The following ZDHHC22 variants were observed in gnomAD, a reference collection of about 807,000 sequenced individuals.
The protein encoded by ZDHHC22 is palmitoyltransferase ZDHHC22.
A neutral mutation model predicts 17.0 loss-of-function variants in ZDHHC22; 13 were observed. That is an observed-to-expected ratio of 0.76 (90% CI 0.50 to 1.21). The LOEUF (loss-of-function observed/expected upper bound fraction) is 1.21, where lower values mean the gene tolerates loss of function less well. Ranked by LOEUF, ZDHHC22 falls within the 50% of genes most tolerant of loss-of-function variation. The pLI, the probability that ZDHHC22 is intolerant of heterozygous loss-of-function variation, is 0.00. For missense variants in ZDHHC22, 319 were observed against 342.3 expected, an observed-to-expected ratio of 0.93 and a Z score of 0.54; for synonymous variants, 138 against 154.7, an observed-to-expected ratio of 0.89 and a Z score of 0.80.
At position 77,132,859 on chromosome 14, in the gene ZDHHC22, T is replaced by C. The variant is rs1887059486; in HGVS notation, c.*824A>G. On this transcript the variant is annotated 3_prime_UTR_variant, in exon 3 of 3. Coordinates refer to ENST00000319374, the MANE Select transcript of ZDHHC22 (RefSeq NM_174976.2). ...ACACACACACACTTCCATATGGTTATACAGTCGAATATCCCCTTCATTTAT... is the reference window on the plus strand; with the variant it reads ...ACACACACACACTTCCATATGGTTACACAGTCGAATATCCCCTTCATTTAT... The C allele has an allele frequency of 8.8e-6, 1 of 113,216 alleles. No individual in the cohort carries two copies. The highest frequency in any genetic ancestry group is 9.2e-5 in the Admixed American group (1 of 10,928). The allele number at this position is 113,216 out of a possible 1,614,324, so 7.0% of individuals were successfully genotyped here. A position where few individuals can be genotyped will look rare whatever the true frequency, so the allele number is the denominator to read the frequency against.
In ZDHHC22 at chr14:77,139,273, A is replaced by C. The variant is rs1887196621; in HGVS notation, c.466T>G (p.Phe156Val). The C allele has an allele frequency of 6.3e-7, 1 of 1,596,304 alleles. No individual in the cohort carries two copies. Among genetic ancestry groups the C allele is most frequent in the South Asian group, 1.1e-5 (1 of 87,908 alleles). ...GTGAGGAAGGCCAAGGGGTGGGCGA[A>C]GGAGATGGAAAGGACAGCGGAGATG... ...AYISAVLSIS[F>V]AHPLAFLTLL... The change falls in exon 2 of 3, where the codon TTC becomes GTC. Residue 156 changes from phenylalanine to valine, a missense_variant. Coordinates refer to ENST00000319374, the MANE Select transcript of ZDHHC22 (RefSeq NM_174976.2).
intron 2 of ZDHHC22, among the ~76,000 whole-genome samples, chr14:77,137,181 T>C (rs1047880311): frequency 6.6e-6 from 1 of 152,016 alleles, no homozygotes; most frequent in African/African-American, 2.4e-5. Context: ...AGGAAGGTCC[T>C]CAAGAGGAAA....
intron 2 of ZDHHC22, among the ~76,000 whole-genome samples, chr14:77,138,624 A>G (rs1887183746): frequency 1.3e-5 from 2 of 152,096 alleles, no homozygotes; most frequent in African/African-American, 4.8e-5. Context: ...AGCCATCAGC[A>G]GGCTGGAGAA....
At chr14:77,135,878 T>C (rs146910141) in intron 2 of ZDHHC22, among the ~76,000 whole-genome samples, 2 of 152,316 alleles carry the variant, frequency 1.3e-5, no homozygotes, top group African/African-American at 4.8e-5. Flanking sequence ...ATGCAGCAGC[T>C]ACAAAAGGCT....
rs1028040927 is a variant in ZDHHC22 at position 77,139,231 on chromosome 14, T to C, written c.508A>G (p.Ile170Val). Residue 170 changes from isoleucine to valine, a missense_variant, in exon 2 of 3, where the codon ATC becomes GTC. Ile to Val is a conservative substitution (Grantham distance 29). Transcript: ENST00000319374. Reference protein sequence around the residue: ...LAFLTLLPTSISQFFSGAVLG... With the variant: ...LAFLTLLPTSVSQFFSGAVLG... ...CACTCACCGGAGAAGAACTGGCTGA[T>C]GGAGGTGGGCAGGAGCGTGAGGAAG... 4 of 1,583,920 alleles carry C rather than the reference T, an allele frequency of 2.5e-6. No individual in the cohort carries two copies. Among genetic ancestry groups the C allele is most frequent in the Admixed American group, 3.6e-5 (2 of 54,984 alleles).
intron 2 of ZDHHC22, among the ~76,000 whole-genome samples, chr14:77,136,866 G>A (rs1887146486): frequency 6.6e-6 from 1 of 152,142 alleles, no homozygotes; most frequent in African/African-American, 2.4e-5. Context: ...AAACTCTTGG[G>A]CTCAAGCAAT....
At chr14:77,139,903 A>G (rs1253764241) in intron 1 of ZDHHC22, among the ~76,000 whole-genome samples, 151 bp from the exon 2 acceptor site, 1 of 151,710 alleles carries the variant, frequency 6.6e-6, no homozygotes, top group Non-Finnish European at 1.5e-5. Context: ...CAGTTCCCTA[A>G]CCCCGGATCA....
chr14:77,133,965 G>C lies in ZDHHC22; in HGVS notation c.527-17C>G. 1 of 1,547,912 alleles carries C rather than the reference G, an allele frequency of 6.5e-7. No individual in the cohort carries two copies. The highest frequency in any genetic ancestry group is 1.4e-5 in the African/African-American group (1 of 73,216). Reference sequence around the variant, plus strand: ...GGACAGCTCCTGCAGGGCACGGGGAGGGGAAACACCAGAGCCGCTTTACAC... The same window carrying C: ...GGACAGCTCCTGCAGGGCACGGGGACGGGAAACACCAGAGCCGCTTTACAC... On this transcript the variant is annotated splice_polypyrimidine_tract_variant and intron_variant, in intron 2 of 2. Coordinates refer to ENST00000319374, the MANE Select transcript of ZDHHC22 (RefSeq NM_174976.2).
chr14:77,139,785 G>C, intron 1 of ZDHHC22, 33 bp from the exon 2 acceptor site: 1 of 1,448,850 alleles, frequency 6.9e-7, no homozygotes, highest in Non-Finnish European at 9.1e-7. Context: ...AGGACTGACT[G>C]ACTACGGCGT....
chr14:77,133,351 C>T lies in ZDHHC22; in HGVS notation c.*332G>A. 1 of 273,424 alleles carries T rather than the reference C, an allele frequency of 3.7e-6. No homozygotes were observed. Among genetic ancestry groups the T allele is most frequent in the Non-Finnish European group, 6.9e-6 (1 of 144,848 alleles). The allele number at this position is 273,424 out of a possible 1,614,324, so 16.9% of individuals were successfully genotyped here. A position where few individuals can be genotyped will look rare whatever the true frequency, so the allele number is the denominator to read the frequency against. ...TGAGAGGAAGGGCTCTAGCAGACAG[C>T]AGTGATGAATGAGACACGGTGGAGA... is the stretch of plus-strand genomic sequence containing the variant. On this transcript the variant is annotated 3_prime_UTR_variant, in exon 3 of 3. Transcript: ENST00000319374.
rs950063503 is a variant in ZDHHC22 at position 77,140,093 on chromosome 14, C to G, written c.-14-341G>C. On this transcript the variant is annotated intron_variant, in intron 1 of 2. Coordinates refer to ENST00000319374, the MANE Select transcript of ZDHHC22 (RefSeq NM_174976.2). The surrounding 1 kb of genome is among the most constrained non-coding windows in gnomAD (Gnocchi z 5.9). ...GTGGGGGGCACCGGGGGATAGGACT[C>G]CTCCCCTCTGTGGATGTGGAAACAA... 3.3e-5 allele frequency among the ~76,000 whole-genome samples: 5 copies of G among 151,980 alleles called. No homozygotes were observed. The highest frequency in any genetic ancestry group is 1.2e-4 in the African/African-American group (5 of 41,366).
Position 77,139,609 on chromosome 14 carries a change from A to G in ZDHHC22, c.130T>C (p.Phe44Leu), listed in dbSNP as rs533625264. ...MREDPAAARL[F>L]SPALLHGALF... ...GCCCCGTGGAGCAGGGCGGGCGAGA[A>G]GAGCCGGGCGGCCGCGGGGTCCTCG... Residue 44 changes from phenylalanine (F) to leucine (L), a missense_variant, in exon 2 of 3, where the codon TTC (phenylalanine) becomes CTC (leucine). Phe to Leu is a conservative substitution (Grantham distance 22, BLOSUM62 0). Coordinates refer to ENST00000319374, the MANE Select transcript of ZDHHC22 (RefSeq NM_174976.2). The G allele has an allele frequency of 1.3e-6, 2 of 1,586,968 alleles. No homozygotes were observed. The highest frequency in any genetic ancestry group is 1.1e-5 in the South Asian group (1 of 87,462).
chr14:77,131,710 CAG>C lies in ZDHHC22; in HGVS notation c.*1971_*1972del, dbSNP rs1887029882. ...CCTGCCCCACCAACCACCAAGATGG[CAG>C]AGTGACCATTTTGCAGGGAGTGTGA... On this transcript the variant is annotated 3_prime_UTR_variant, in exon 3 of 3. Transcript: ENST00000319374. The C allele has an allele frequency of 6.6e-6, 1 of 152,330 alleles. No individual in the cohort carries two copies. Among genetic ancestry groups the C allele is most frequent in the Admixed American group, 6.5e-5 (1 of 15,298 alleles). 9.4% of individuals were successfully genotyped at this position (152,330 alleles called of 1,614,324 possible). A position where few individuals can be genotyped will look rare whatever the true frequency, so the allele number is the denominator to read the frequency against.
chr14:77,136,707 C>T (rs1887143452), intron 2 of ZDHHC22, among the ~76,000 whole-genome samples: 1 of 152,228 alleles, frequency 6.6e-6, no homozygotes, highest in Admixed American at 6.5e-5. Flanking sequence ...TCACAGCCAT[C>T]CATGCTCTGG....
At chr14:77,137,940 G>A (rs536638949) in intron 2 of ZDHHC22, among the ~76,000 whole-genome samples, 5 of 152,252 alleles carry the variant, frequency 3.3e-5, no homozygotes, top group Admixed American at 6.5e-5. Flanking sequence ...GAAGAGCTGT[G>A]GATTAAGGAC....
In ZDHHC22 at chr14:77,133,752, C is replaced by T. The variant is rs780571853; in HGVS notation, c.723G>A (p.Arg241=). 3.5e-5 allele frequency: 56 copies of T among 1,613,922 alleles called. No individual in the cohort carries two copies. Among genetic ancestry groups the T allele is most frequent in the Non-Finnish European group, 4.3e-5 (51 of 1,179,912 alleles). The change falls in exon 3 of 3, where the codon AGG becomes AGA. Residue 241 remains arginine (R), a synonymous_variant. Transcript: ENST00000319374. Reference sequence around the variant, plus strand: ...TGGGGACCAGCAGGCCCAGCAGCCACCTCTTTCCGAAGACCTCTTGTAAGT... The same window carrying T: ...TGGGGACCAGCAGGCCCAGCAGCCATCTCTTTCCGAAGACCTCTTGTAAGT... ...RKNLQEVFGK[R]WLLGLLVPMF...
Position 77,133,731 on chromosome 14 carries a change from GA to G in ZDHHC22, c.743del (p.Val248AlafsTer33). 1 of 1,613,968 alleles carries G rather than the reference GA, an allele frequency of 6.2e-7. No homozygotes were observed. The highest frequency in any genetic ancestry group is 8.5e-7 in the Non-Finnish European group (1 of 1,179,880). ...TCTCACTTCCGACATTGAACATGGGGACCAGCAGGCCCAGCAGCCACCTCTT... is the reference window on the plus strand; with the variant it reads ...TCTCACTTCCGACATTGAACATGGGGCCAGCAGGCCCAGCAGCCACCTCTT... The part of the protein sequence containing the change: ...FGKRWLLGLL[V>X]PMFNVGSESS... On this transcript the variant is annotated frameshift_variant, in exon 3 of 3. Coordinates refer to ENST00000319374, the MANE Select transcript of ZDHHC22 (RefSeq NM_174976.2). LOFTEE classifies it high-confidence loss of function.
Position 77,139,228 on chromosome 14 carries a change from T to G in ZDHHC22, c.511A>C (p.Ser171Arg). ...AFLTLLPTSISQFFSGAVLGS... is the reference protein window; with the variant it reads ...AFLTLLPTSIRQFFSGAVLGS... ...GCCCACTCACCGGAGAAGAACTGGC[T>G]GATGGAGGTGGGCAGGAGCGTGAGG... Residue 171 changes from serine to arginine, a missense_variant, in exon 2 of 3, where the codon AGC becomes CGC. Transcript: ENST00000319374. 1 of 1,582,480 alleles carries G rather than the reference T, an allele frequency of 6.3e-7. No individual in the cohort carries two copies. Among genetic ancestry groups the G allele is most frequent in the Non-Finnish European group, 8.6e-7 (1 of 1,164,448 alleles).
chr14:77,133,964 A>C lies in ZDHHC22; in HGVS notation c.527-16T>G. 1 of 1,548,936 alleles carries C rather than the reference A, an allele frequency of 6.5e-7. No homozygotes were observed. ...AGGACAGCTCCTGCAGGGCACGGGG[A>C]GGGGAAACACCAGAGCCGCTTTACA... On this transcript the variant is annotated splice_polypyrimidine_tract_variant and intron_variant, in intron 2 of 2. Coordinates refer to ENST00000319374, the MANE Select transcript of ZDHHC22 (RefSeq NM_174976.2).
Sources: allele counts gnomAD v4.1 joint callset (sites outside exome capture counted in the v4.1 genomes callset), GRCh38; gene constraint gnomAD v4.1.1; non-coding constraint Gnocchi (gnomAD v3.1); transcripts MANE v1.5; gene names NCBI Gene and HGNC (gene_info 2026-07-23, HGNC 2026-07-21).